ZNF235: variants seen among roughly 807,000 people sequenced by gnomAD.
The protein encoded by ZNF235 is zfp-93.
ZNF235 carries 25 observed loss-of-function variants against 29.4 expected under a neutral mutation model. The ratio of observed to expected loss-of-function variants is 0.85; its 90% CI spans 0.62 to 1.19. The LOEUF is 1.19. ZNF235 is among the 50% of genes most tolerant of loss of function. The pLI is 0.00. For missense variants in ZNF235, 788 were observed against 885.0 expected (o/e 0.89, Z 1.39); for synonymous variants, 300 against 295.3 (o/e 1.02, Z -0.16).
At chr19:44,292,194 T>G (rs1423685238) in intron 4 of ZNF235, among the ~76,000 whole-genome samples, 1 of 151,746 alleles carries the variant, frequency 6.6e-6, no homozygotes, top group African/African-American at 2.4e-5. Flanking sequence ...TTCTAGTCAG[T>G]GCAGTAAGAC....
chr19:44,304,643 C>A (rs946016126), intron 1 of ZNF235: 2 of 806,230 alleles, frequency 2.5e-6, no homozygotes, highest in Middle Eastern at 6.4e-4. Context: ...TCACTGGGAA[C>A]GCACTAACCC....
At chr19:44,303,488 G>C in intron 1 of ZNF235, 36 bp from the exon 2 acceptor site, 2 of 1,567,004 alleles carry the variant, frequency 1.3e-6, no homozygotes, top group South Asian at 1.1e-5. Context: ...ATAGGTTAGG[G>C]ATGGCATTAG....
At chr19:44,294,813 TATAAA>T (rs2065180723) in intron 4 of ZNF235, among the ~76,000 whole-genome samples, 2 of 151,900 alleles carry the variant, frequency 1.3e-5, no homozygotes, top group South Asian at 4.1e-4. Flanking sequence ...TGATTCAGCC[TATAAA>T]CAGAATTAAA....
At chr19:44,295,704 T>G (rs1418894960) in intron 4 of ZNF235, among the ~76,000 whole-genome samples, 1 of 152,066 alleles carries the variant, frequency 6.6e-6, no homozygotes, top group Non-Finnish European at 1.5e-5. Flanking sequence ...TACATGGCTA[T>G]AGTAACCAAA....
intron 2 of ZNF235, among the ~76,000 whole-genome samples, chr19:44,301,690 C>T (rs1599893753): frequency 1.3e-5 from 2 of 152,214 alleles, no homozygotes; most frequent in Admixed American, 6.5e-5. Flanking sequence ...AGGCTGATCT[C>T]GAACTCCTGA....
rs987872138 is a variant in ZNF235 at position 44,286,693 on chromosome 19, T to A, written c.*525A>T. On this transcript the variant is annotated 3_prime_UTR_variant, in exon 5 of 5. Coordinates refer to ENST00000291182, the MANE Select transcript of ZNF235 (RefSeq NM_004234.4). Reference sequence around the variant, plus strand: ...GATTCCTTTTGAATATAAATTAATATAAATTTAGAGTAGAAAACAGACTAG... The same window carrying A: ...GATTCCTTTTGAATATAAATTAATAAAAATTTAGAGTAGAAAACAGACTAG... The A allele has an allele frequency of 2.0e-5, 3 of 152,298 alleles. No homozygotes were observed. Among genetic ancestry groups the A allele is most frequent in the Admixed American group, 1.3e-4 (2 of 15,276 alleles). The allele number at this position is 152,298 out of a possible 1,614,324, so 9.4% of individuals were successfully genotyped here.
At chr19:44,289,966 T>C (rs918211678) in intron 4 of ZNF235, 3 of 152,178 alleles carry the variant, frequency 2.0e-5, no homozygotes, top group Non-Finnish European at 4.4e-5. Flanking sequence ...GGAAGATATG[T>C]GGTGGCACTC....
chr19:44,287,852 G>T lies in ZNF235; in HGVS notation c.1583C>A (p.Ser528Ter). 2 of 1,613,948 alleles carry T rather than the reference G, an allele frequency of 1.2e-6. No homozygotes were observed. Among genetic ancestry groups the T allele is most frequent in the Non-Finnish European group, 1.7e-6 (2 of 1,179,982 alleles). The change falls in exon 5 of 5, where the codon TCA becomes TAA. Residue 528 changes from serine (S) to a stop codon, truncating the protein, a stop_gained. Transcript: ENST00000291182. LOFTEE classifies it high-confidence loss of function. ...GACTCTCTGATGTGCTTGAAAGTATGAACTCTGACTGAAGCCTTTCCCACA... is the reference window on the plus strand; with the variant it reads ...GACTCTCTGATGTGCTTGAAAGTATTAACTCTGACTGAAGCCTTTCCCACA... ...NVCGKGFSQS[S>*]YFQAHQRVHT...
chr19:44,294,848 T>C (rs1038645095), intron 4 of ZNF235, among the ~76,000 whole-genome samples: 4 of 152,106 alleles, frequency 2.6e-5, no homozygotes, highest in African/African-American at 9.7e-5. Context: ...CACATGATCA[T>C]CTCAACAGAT....
intron 4 of ZNF235, 26 bp from the exon 5 acceptor site, chr19:44,289,222 T>C: frequency 6.3e-7 from 1 of 1,578,338 alleles, no homozygotes; most frequent in Non-Finnish European, 8.6e-7. Context: ...GAATAAGGAA[T>C]AAAGGACCAA....
chr19:44,289,556 C>T (rs1975557322), intron 4 of ZNF235: 1 of 166,034 alleles, frequency 6.0e-6, no homozygotes, highest in Non-Finnish European at 1.3e-5. Flanking sequence ...CGGTATCAGG[C>T]TTTAGTTCAT....
chr19:44,287,275 G>C lies in ZNF235; in HGVS notation c.2160C>G (p.Phe720Leu). The C allele has an allele frequency of 6.2e-7, 1 of 1,612,926 alleles. No individual in the cohort carries two copies. Among genetic ancestry groups the C allele is most frequent in the African/African-American group, 1.3e-5 (1 of 74,922 alleles). Reference protein sequence around the residue: ...PYICDVCCKGFSQRSHLIYHQ... With the variant: ...PYICDVCCKGLSQRSHLIYHQ... ...GGTAGATGAGATGTGACCTCTGACT[G>C]AAGCCCTTACAACAGACATCACATA... is the stretch of plus-strand genomic sequence containing the variant. The change falls in exon 5 of 5, where the codon TTC becomes TTG. Residue 720 changes from phenylalanine to leucine, a missense_variant. Phe to Leu is a conservative substitution (Grantham distance 22). Coordinates refer to ENST00000291182, the MANE Select transcript of ZNF235 (RefSeq NM_004234.4).
chr19:44,298,953 A>T, intron 3 of ZNF235, 50 bp from the exon 4 acceptor site: 1 of 1,437,686 alleles, frequency 7.0e-7, no homozygotes. Context: ...AAGAGTACTG[A>T]AAAAATCTGG....
chr19:44,294,759 T>C (rs1368512991), intron 4 of ZNF235, among the ~76,000 whole-genome samples: 2 of 151,702 alleles, frequency 1.3e-5, no homozygotes, highest in Non-Finnish European at 1.5e-5. Context: ...TGGGTTTTAT[T>C]CCAAGGATGC....
intron 2 of ZNF235, among the ~76,000 whole-genome samples, chr19:44,301,193 G>A (rs193010862): frequency 2.0e-5 from 3 of 151,904 alleles, no homozygotes; most frequent in African/African-American, 7.3e-5. Context: ...TTCCTACCCC[G>A]CACCTGTTTC....
intron 4 of ZNF235, among the ~76,000 whole-genome samples, chr19:44,292,610 C>T (rs891155969): frequency 6.6e-6 from 1 of 151,546 alleles, no homozygotes; most frequent in Non-Finnish European, 1.5e-5. Context: ...ATAAAGCAAC[C>T]AAACCTATGA....
intron 2 of ZNF235, among the ~76,000 whole-genome samples, chr19:44,302,278 T>C (rs556676485): frequency 1.1e-4 from 17 of 152,172 alleles, no homozygotes; most frequent in South Asian, 4.1e-4. Flanking sequence ...TCAATGTCCT[T>C]AAAATGGCAA....
Position 44,289,456 on chromosome 19 carries a change from A to G in ZNF235, c.239-260T>C, listed in dbSNP as rs1291125703. Reference sequence around the variant, plus strand: ...GTATCTTGGGTCTTTTCTGAGTATGAGTCTTGCTGCCTGTGTGTATTCTCC... The same window carrying G: ...GTATCTTGGGTCTTTTCTGAGTATGGGTCTTGCTGCCTGTGTGTATTCTCC... On this transcript the variant is annotated intron_variant, in intron 4 of 4. Transcript: ENST00000291182. The G allele has an allele frequency of 3.0e-5, 11 of 367,290 alleles. No individual in the cohort carries two copies. The South Asian group carries it at 3.6e-4, about 12-fold the overall frequency. 22.8% of individuals were successfully genotyped at this position (367,290 alleles called of 1,614,324 possible).
rs1019116699 is a variant in ZNF235, at chr19:44,304,933, G to C, written c.-49+38C>G. The C allele has an allele frequency of 8.1e-6, 8 of 985,360 alleles. No individual in the cohort carries two copies. The African/African-American group carries it at 8.7e-5, about 11-fold the overall frequency. 61.0% of individuals were successfully genotyped at this position (985,360 alleles called of 1,614,324 possible). A position where few individuals can be genotyped will look rare whatever the true frequency, so the allele number is the denominator to read the frequency against. On this transcript the variant is annotated intron_variant, in intron 1 of 4. Transcript: ENST00000291182. ...TGCTGGCCCCACGCCTAGGCAAAGAGGGCTCGGAGAAGTCTTGGAGACCCG... is the reference window on the plus strand; with the variant it reads ...TGCTGGCCCCACGCCTAGGCAAAGACGGCTCGGAGAAGTCTTGGAGACCCG...
Sources: gnomAD v4.1 joint callset for allele counts (sites outside exome capture counted in the v4.1 genomes callset) on GRCh38, gnomAD v4.1.1 for gene constraint, MANE v1.5 for transcripts, NCBI Gene and HGNC (gene_info 2026-07-23, HGNC 2026-07-21) for gene names.